Variants in ROS1 observed in about 807,000 individuals in gnomAD.
ROS1 encodes the protein proto-oncogene tyrosine-protein kinase ROS.
A neutral mutation model predicts 273.5 loss-of-function variants in ROS1; 263 were observed. The observed-to-expected ratio is 0.96, with a 90% CI of 0.87 to 1.06. The LOEUF is 1.06. ROS1 is among the 50% of genes least tolerant of loss of function. ROS1 has a pLI of 0.00. For synonymous variants in ROS1, 1,008 were observed against 954.1 expected (o/e 1.06, Z -1.04); for missense variants, 2,833 against 2,751.1 (o/e 1.03, Z -0.67).
Position 117,386,893 on chromosome 6 carries a change from C to T in ROS1, c.2106G>A (p.Val702=). Residue 702 remains valine, a synonymous_variant, in exon 15 of 44, where the codon GTG becomes GTA. Transcript: ENST00000368507. ...GEFLSSDIGN[V]SDMDWYNNSL... ...AACAGAGGACTTGGGGTTTACCTGA[C>T]ACATTTCCTATATCAGAGGATAAGA... 6.4e-7 allele frequency: 1 copy of T among 1,556,766 alleles called. No individual in the cohort carries two copies. The highest frequency in any genetic ancestry group is 8.8e-7 in the Non-Finnish European group (1 of 1,130,920).
chr6:117,378,113 G>T (rs534999759), intron 18 of ROS1, among the ~76,000 whole-genome samples: 111 of 152,170 alleles, frequency 7.3e-4, no homozygotes, highest in African/African-American at 1.7e-3. Flanking sequence ...TGAAAAACTG[G>T]CAATTACTTA....
At chr6:117,360,076 G>T (rs553677775) in intron 23 of ROS1, 65 bp from the exon 24 acceptor site, 3 of 1,318,768 alleles carry the variant, frequency 2.3e-6, no homozygotes, top group Non-Finnish European at 3.2e-6. Flanking sequence ...GCAAAGTCTC[G>T]ATTTAATATC....
chr6:117,403,263 C>G lies in ROS1; in HGVS notation c.480G>C (p.Pro160=), dbSNP rs777706763. Residue 160 remains proline (P), a synonymous_variant, in exon 7 of 44, where the codon CCG becomes CCC. Transcript: ENST00000368507. ...SWTYTKTVSR[P]SYVVKPLHPF... ...GGTGCAGGGGCTTGACCACATAGGA[C>G]GGTCTGGACACAGTCTAGATCAAGG... The G allele has an allele frequency of 3.7e-6, 6 of 1,611,616 alleles. No homozygotes were observed. The highest frequency in any genetic ancestry group is 2.7e-5 in the African/African-American group (2 of 74,684).
At chr6:117,410,095 C>T (rs1010210561) in intron 4 of ROS1, among the ~76,000 whole-genome samples, 20 of 152,120 alleles carry the variant, frequency 1.3e-4, no homozygotes, top group African/African-American at 3.9e-4. Context: ...AGAACATTTT[C>T]GTTGTCCCCA....
intron 27 of ROS1, among the ~76,000 whole-genome samples, chr6:117,345,567 T>A (rs915450226): frequency 6.6e-6 from 1 of 152,218 alleles, no homozygotes; most frequent in East Asian, 1.9e-4. Context: ...GTGTTGTCGA[T>A]CCTTATGAAT....
intron 28 of ROS1, among the ~76,000 whole-genome samples, chr6:117,343,150 A>T (rs557834591): frequency 2.2e-4 from 33 of 152,132 alleles, no homozygotes; most frequent in Admixed American, 4.6e-4. Flanking sequence ...GACCACTGTT[A>T]ATCAATGAGA....
At chr6:117,296,971 A>C (rs563876595) in intron 43 of ROS1, among the ~76,000 whole-genome samples, 7 of 152,176 alleles carry the variant, frequency 4.6e-5, no homozygotes, top group African/African-American at 1.2e-4. Flanking sequence ...TTAAAAAATA[A>C]TACTACAAGG....
chr6:117,336,704 T>C (rs1777505951), intron 32 of ROS1, among the ~76,000 whole-genome samples: 2 of 152,166 alleles, frequency 1.3e-5, no homozygotes, highest in Admixed American at 6.6e-5. Context: ...ATGTAATTTC[T>C]AGGTCAAATG....
At chr6:117,381,713 G>T (rs116899659) in intron 17 of ROS1, among the ~76,000 whole-genome samples, 2,598 of 152,216 alleles carry the variant, frequency 0.017, 36 homozygotes, top group Admixed American at 0.03. Context: ...ACATATGTGT[G>T]CAGGTGTCTT....
At chr6:117,371,285 C>T (rs1310797599) in intron 18 of ROS1, among the ~76,000 whole-genome samples, 1 of 152,150 alleles carries the variant, frequency 6.6e-6, no homozygotes, top group East Asian at 1.9e-4. Flanking sequence ...GGAGTGTCCA[C>T]CCCCGAACAC....
chr6:117,366,037 G>A (rs747070161), intron 19 of ROS1, 39 bp downstream of exon 19: 165 of 1,446,040 alleles, frequency 1.1e-4, no homozygotes, highest in Non-Finnish European at 1.5e-4. Context: ...TTAACTGAAG[G>A]TATAGTGGAG....
chr6:117,324,479 C>A (rs2128575442), intron 34 of ROS1, 64 bp from the exon 35 acceptor site: 1 of 751,472 alleles, frequency 1.3e-6, no homozygotes, highest in Non-Finnish European at 2.3e-6. Flanking sequence ...CCCAGCTCTA[C>A]CTAAGCACAC....
At chr6:117,404,497 C>A in intron 5 of ROS1, 69 bp from the exon 6 acceptor site, 1 of 1,441,934 alleles carries the variant, frequency 6.9e-7, no homozygotes, top group Admixed American at 2.0e-5. Flanking sequence ...GTGTGCCTCT[C>A]TCATCTAGGG....
chr6:117,360,083 T>C (rs1284318508), intron 23 of ROS1, 72 bp from the exon 24 acceptor site: 3 of 1,260,206 alleles, frequency 2.4e-6, no homozygotes, highest in East Asian at 2.5e-5. Flanking sequence ...CTCGATTTAA[T>C]ATCTGGCAGT....
chr6:117,289,367 A>G (rs1055632132), intron 43 of ROS1, among the ~76,000 whole-genome samples: 11 of 152,228 alleles, frequency 7.2e-5, no homozygotes, highest in Non-Finnish European at 1.6e-4. Flanking sequence ...AAACATTTCT[A>G]CATTCAGCCC....
chr6:117,386,116 T>C (rs1452795393), intron 15 of ROS1, among the ~76,000 whole-genome samples: 1 of 152,244 alleles, frequency 6.6e-6, no homozygotes, highest in African/African-American at 2.4e-5. Context: ...CAGATCTCAT[T>C]TAGTTCCTAA....
rs1562250536 is a variant in ROS1 at position 117,301,160 on chromosome 6, GAAAGT to G, written c.6552-28_6552-24del. The G allele has an allele frequency of 2.6e-6, 4 of 1,557,180 alleles. No individual in the cohort carries two copies. In the East Asian group the frequency reaches 9.4e-5, roughly 37 times the overall value. The stretch of plus-strand genomic sequence containing the variant: ...CACCTAAATATATGGGGAAAGATGG[GAAAGT>G]AAATAGCAATTGGATATAATTACTG... On this transcript the variant is annotated intron_variant, in intron 42 of 43. Coordinates refer to ENST00000368507, the MANE Select transcript of ROS1 (RefSeq NM_001378902.1).
Position 117,366,268 on chromosome 6 carries a change from C to T in ROS1, c.2605G>A (p.Glu869Lys). 1 of 1,613,998 alleles carries T rather than the reference C, an allele frequency of 6.2e-7. No homozygotes were observed. The part of the protein sequence containing the change: ...GQSTGDTTIT[E>K]FAAWSTSEIS... ...TCAGAAGTACTCCAGGCTGCAAATT[C>T]TGTGATGGTGGTATCCCCAGTGCTG... The change falls in exon 19 of 44, where the codon GAA (glutamate) becomes AAA (lysine). Residue 869 changes from glutamate to lysine, a missense_variant. By Grantham distance (56) the Glu-to-Lys change is moderately conservative. Transcript: ENST00000368507.
rs750934790 is a variant in ROS1, at chr6:117,341,282, C to G, written c.4914G>C (p.Trp1638Cys). The change falls in exon 31 of 44, where the codon TGG (tryptophan) becomes TGC (cysteine). Residue 1638 changes from tryptophan (W) to cysteine (C), a missense_variant. Transcript: ENST00000368507. ...KVLACHSEEM[W>C]CTESHPVTVE... ...CAGTGACAGGATGACTCTCTGTACA[C>G]CACATTTCCTCAGAGTGGCAGGCAA... 2 of 1,613,316 alleles carry G rather than the reference C, an allele frequency of 1.2e-6. No individual in the cohort carries two copies. The highest frequency in any genetic ancestry group is 2.2e-5 in the East Asian group (1 of 44,862).
Sources: allele counts gnomAD v4.1 joint callset (sites outside exome capture counted in the v4.1 genomes callset), GRCh38; gene constraint gnomAD v4.1.1; transcripts MANE v1.5; gene names NCBI Gene and HGNC (gene_info 2026-07-23, HGNC 2026-07-21).